SALL4: variants seen among roughly 807,000 people sequenced by gnomAD.
The protein encoded by SALL4 is sal-like protein 4.
In SALL4, 4 loss-of-function variants were observed where a neutral mutation model predicts 60.8. The ratio of observed to expected loss-of-function variants is 0.07; its 90% CI spans 0.03 to 0.15. SALL4 has a LOEUF of 0.15. Among genes scored for constraint, SALL4 ranks in the 10% least tolerant of loss-of-function variants. The pLI, the probability that SALL4 is intolerant of heterozygous loss-of-function variation, is 1.00. For missense variants in SALL4, 1,178 were observed against 1,394.7 expected, an observed-to-expected ratio of 0.84 and a Z score of 2.48; for synonymous variants, 580 against 574.9, an observed-to-expected ratio of 1.01 and a Z score of -0.13.
At chr20:51,785,893 C>T (rs2077988836) in intron 3 of SALL4, among the ~76,000 whole-genome samples, 1 of 151,948 alleles carries the variant, frequency 6.6e-6, no homozygotes, top group Non-Finnish European at 1.5e-5. Context: ...CCGCCTGCCT[C>T]GGCCTCCCAA....
chr20:51,788,769 A>G lies in SALL4; in HGVS notation c.2742+92T>C. 1 of 1,496,462 alleles carries G rather than the reference A, an allele frequency of 6.7e-7. No homozygotes were observed. The highest frequency in any genetic ancestry group is 9.2e-7 in the Non-Finnish European group (1 of 1,083,968). The allele number at this position is 1,496,462 out of a possible 1,614,324, so 92.7% of individuals were successfully genotyped here. ...CCCACCTCGGCCTCCCAAAGGAGGA[A>G]TGGAAGGATGGAAGAACTCATCACG... On this transcript the variant is annotated intron_variant, in intron 3 of 3. Coordinates refer to ENST00000217086, the MANE Select transcript of SALL4 (RefSeq NM_020436.5). The surrounding 1 kb of genome is among the most constrained non-coding windows in gnomAD (Gnocchi z 4.1).
rs370245881 is a variant in SALL4, at chr20:51,792,266, C to T, written c.217G>A (p.Val73Ile). Residue 73 changes from valine to isoleucine, a missense_variant, in exon 2 of 4, where the codon GTC becomes ATC. Physicochemically the swap from Val to Ile is conservative, Grantham distance 29 (BLOSUM62 3). This residue lies in a region of SALL4 where 108 missense variants were observed against 95.7 expected (regional missense o/e 1.13). Transcript: ENST00000217086. ...AACTCCGCACAGCATTTCTCACAGA[C>T]GTGCGTCTCCTCCCGACGAAGCCGC... ...VKRLRREETH[V>I]CEKCCAEFFS... 5.1e-5 allele frequency: 82 copies of T among 1,613,208 alleles called. No homozygotes were observed. The highest frequency in any genetic ancestry group is 8.8e-5 in the South Asian group (8 of 91,082).
At position 51,788,893 on chromosome 20, in the gene SALL4, C is replaced by T. The variant is rs1266743075; in HGVS notation, c.2710G>A (p.Gly904Arg). 2 of 1,614,190 alleles carry T rather than the reference C, an allele frequency of 1.2e-6. No individual in the cohort carries two copies. Among genetic ancestry groups the T allele is most frequent in the Non-Finnish European group, 1.7e-6 (2 of 1,180,056 alleles). ...GEKPFVCNIC[G>R]RAFTTKGNLK... ...TTGCCTTTGGTGGTAAAAGCTCGCC[C>T]ACAAATGTTGCACACAAAAGGCTTC... Residue 904 changes from glycine (G) to arginine (R), a missense_variant, in exon 3 of 4, where the codon GGG becomes AGG. Physicochemically the swap from Gly to Arg is moderately radical, Grantham distance 125 (BLOSUM62 -2). Around this residue, in one of 5 missense-constraint regions of SALL4, gnomAD observed 37 missense variants for 73.5 expected, o/e 0.50. Transcript: ENST00000217086. The surrounding 1 kb of genome is among the most constrained non-coding windows in gnomAD (Gnocchi z 4.1).
chr20:51,799,561 C>A (rs1054448754), intron 1 of SALL4, among the ~76,000 whole-genome samples: 2 of 152,220 alleles, frequency 1.3e-5, no homozygotes, highest in Non-Finnish European at 2.9e-5. Flanking sequence ...AGCTGTTTGG[C>A]AAATTGTAGC....
chr20:51,798,018 T>TC (rs2078088919), intron 1 of SALL4, among the ~76,000 whole-genome samples: 1 of 152,002 alleles, frequency 6.6e-6, no homozygotes, highest in Non-Finnish European at 1.5e-5. Flanking sequence ...TCTTCTACCC[T>TC]CCCCCAACCC....
Position 51,783,363 on chromosome 20 carries a change from A to G in SALL4, c.*902T>C, listed in dbSNP as rs2077966799. 1 of 152,126 alleles carries G rather than the reference A, an allele frequency of 6.6e-6. No individual in the cohort carries two copies. The highest frequency in any genetic ancestry group is 1.5e-5 in the Non-Finnish European group (1 of 68,026). 9.4% of individuals were successfully genotyped at this position (152,126 alleles called of 1,614,324 possible). ...TTGAGGGCCTCCTACTTAAGGTTCT[A>G]AGGTTGAAGCAGTTTTATAATTCTA... On this transcript the variant is annotated 3_prime_UTR_variant, in exon 4 of 4. Coordinates refer to ENST00000217086, the MANE Select transcript of SALL4 (RefSeq NM_020436.5).
At position 51,801,036 on chromosome 20, in the gene SALL4, G is replaced by A. The variant is rs1236236031; in HGVS notation, c.130+1243C>T. Among the ~76,000 whole-genome samples, 2 of 152,140 alleles carry A rather than the reference G, an allele frequency of 1.3e-5. No homozygotes were observed. The highest frequency in any genetic ancestry group is 2.9e-5 in the Non-Finnish European group (2 of 68,026). On this transcript the variant is annotated intron_variant, in intron 1 of 3. Transcript: ENST00000217086. This position sits in a 1 kb window ranked among gnomAD's most constrained non-coding sequence, Gnocchi z 5.2. ...TCTCTGAGAGTCCTCCGGGGTTGCC[G>A]CGCACACCCGTCTGCTGCAGGGAAA...
chr20:51,790,468 G>A lies in SALL4; in HGVS notation c.2015C>T (p.Thr672Ile). The A allele has an allele frequency of 6.2e-7, 1 of 1,614,104 alleles. No homozygotes were observed. Among genetic ancestry groups the A allele is most frequent in the Non-Finnish European group, 8.5e-7 (1 of 1,180,046 alleles). ...PCDFTGSEPM[T>I]VGENGSTGAI... Reference sequence around the variant, plus strand: ...GCCGGTGCTGCCGTTCTCACCCACGGTCATTGGCTCAGAACCCGTAAAGTC... The same window carrying A: ...GCCGGTGCTGCCGTTCTCACCCACGATCATTGGCTCAGAACCCGTAAAGTC... The change falls in exon 2 of 4, where the codon ACC (threonine) becomes ATC (isoleucine). Residue 672 changes from threonine to isoleucine, a missense_variant. Thr to Ile is a moderately conservative substitution (Grantham distance 89, BLOSUM62 -1). Coordinates refer to ENST00000217086, the MANE Select transcript of SALL4 (RefSeq NM_020436.5). This position sits in a 1 kb window ranked among gnomAD's most constrained non-coding sequence, Gnocchi z 5.5.
rs763670225 is a variant in SALL4 at position 51,786,089 on chromosome 20, G to GTTTT, written c.2743-1409_2743-1406dup. 2.0e-3 allele frequency among the ~76,000 whole-genome samples: 251 copies of GTTTT among 127,330 alleles called. 9 individuals are homozygous for GTTTT. The highest frequency in any genetic ancestry group is 2.7e-3 in the Non-Finnish European group (166 of 62,198). 83.5% of individuals were successfully genotyped at this position (127,330 alleles called of 152,430 possible). On this transcript the variant is annotated intron_variant, in intron 3 of 3. Transcript: ENST00000217086. ...TGCACACCACCATGCCCAGCTAATT[G>GTTTT]TTTTTTTTTTTTTTTGAGACAGAGT...
At chr20:51,795,625 A>T (rs920318037) in intron 1 of SALL4, among the ~76,000 whole-genome samples, 2 of 152,196 alleles carry the variant, frequency 1.3e-5, no homozygotes, top group Admixed American at 6.5e-5. Context: ...GAAACTTTTT[A>T]AAACAGTTTC....
Position 51,791,949 on chromosome 20 carries a change from G to A in SALL4, c.534C>T (p.Asn178=), listed in dbSNP as rs1395484828. 1.9e-6 allele frequency: 3 copies of A among 1,614,254 alleles called. No homozygotes were observed. The highest frequency in any genetic ancestry group is 1.7e-6 in the Non-Finnish European group (2 of 1,180,052). ...ISYLAKGKVA[N]TNVTLQALRG... The stretch of plus-strand genomic sequence containing the variant: ...GTAGTGCCTGCAAGGTCACATTAGT[G>A]TTGGCCACTTTGCCTTTGGCTAAAT... Residue 178 remains asparagine, a synonymous_variant, in exon 2 of 4, where the codon AAC becomes AAT. Transcript: ENST00000217086. The surrounding 1 kb of genome is among the most constrained non-coding windows in gnomAD (Gnocchi z 4.6).
Position 51,791,726 on chromosome 20 carries a change from C to T in SALL4, c.757G>A (p.Gly253Arg). Residue 253 changes from glycine (G) to arginine (R), a missense_variant, in exon 2 of 4, where the codon GGG (glycine) becomes AGG (arginine). Gly to Arg is a moderately radical substitution (Grantham distance 125, BLOSUM62 -2). This residue lies in a region of SALL4 where 853 missense variants were observed against 1,036.8 expected (regional missense o/e 0.82). Coordinates refer to ENST00000217086, the MANE Select transcript of SALL4 (RefSeq NM_020436.5). The surrounding 1 kb of genome is among the most constrained non-coding windows in gnomAD (Gnocchi z 4.6). ...CCCAAGGTCTTCAGAGTGTCGGCCC[C>T]TGCCCCGCTTGAGTGGAGGGCGTGG... The part of the protein sequence containing the change: ...ASHALHSSGA[G>R]ADTLKTLGSH... 1.2e-6 allele frequency: 2 copies of T among 1,614,186 alleles called. No individual in the cohort carries two copies. The highest frequency in any genetic ancestry group is 1.7e-6 in the Non-Finnish European group (2 of 1,180,048).
intron 2 of SALL4, among the ~76,000 whole-genome samples, 188 bp from the exon 3 acceptor site, chr20:51,789,329 GA>G (rs1487121259): frequency 6.6e-6 from 1 of 151,500 alleles, no homozygotes; most frequent in African/African-American, 2.4e-5. Context: ...AAATGCTTGG[GA>G]AAAGGTATCA....
rs146411998 is a variant in SALL4 at position 51,791,986 on chromosome 20, T to C, written c.497A>G (p.Gln166Arg). The C allele has an allele frequency of 3.1e-6, 5 of 1,613,954 alleles. No individual in the cohort carries two copies. The African/African-American group carries it at 4.0e-5, about 13-fold the overall frequency. Residue 166 changes from glutamine to arginine, a missense_variant, in exon 2 of 4, where the codon CAG becomes CGG. Physicochemically the swap from Gln to Arg is conservative, Grantham distance 43. This residue lies in a region of SALL4 where 853 missense variants were observed against 1,036.8 expected (regional missense o/e 0.82). Coordinates refer to ENST00000217086, the MANE Select transcript of SALL4 (RefSeq NM_020436.5). This position sits in a 1 kb window ranked among gnomAD's most constrained non-coding sequence, Gnocchi z 4.6. Reference protein sequence around the residue: ...KTETALPPTPQDISYLAKGKV... With the variant: ...KTETALPPTPRDISYLAKGKV... ...GCCTTTGGCTAAATAGCTTATGTCC[T>C]GGGGGGTGGGTGGCAGGGCTGTCTC...
intron 1 of SALL4, among the ~76,000 whole-genome samples, chr20:51,794,155 ACCT>A (rs2078066434): frequency 6.6e-6 from 1 of 152,182 alleles, no homozygotes; most frequent in African/African-American, 2.4e-5. Context: ...CACAATACTA[ACCT>A]CCTACTGCGT....
chr20:51,789,717 A>C (rs1274484049), intron 2 of SALL4, among the ~76,000 whole-genome samples: 1 of 152,204 alleles, frequency 6.6e-6, no homozygotes, highest in African/African-American at 2.4e-5. Context: ...AAAGAAAAAA[A>C]CTATAACAAA....
At chr20:51,785,443 C>A (rs2077985259) in intron 3 of SALL4, among the ~76,000 whole-genome samples, 1 of 152,194 alleles carries the variant, frequency 6.6e-6, no homozygotes, top group African/African-American at 2.4e-5. Flanking sequence ...GTAAATCAAA[C>A]CATCTTAAGT....
intron 1 of SALL4, 21 bp downstream of exon 1, chr20:51,802,258 G>T (rs1282356651): frequency 1.9e-6 from 3 of 1,575,828 alleles, no homozygotes; most frequent in Middle Eastern, 2.3e-4. Flanking sequence ...CTCCCCGGGC[G>T]GGCGCCCCAG....
In SALL4 at chr20:51,792,324, G is replaced by C; in HGVS notation, c.159C>G (p.Asp53Glu). 1.9e-6 allele frequency: 3 copies of C among 1,605,516 alleles called. No homozygotes were observed. The highest frequency in any genetic ancestry group is 2.5e-6 in the Non-Finnish European group (3 of 1,179,972). ...TGGCTTCATCCTCACTCGCCACCTC[G>C]TCATTCCCTGGGTGGTTCACTGGAG... ...LGAPVNHPGNDEVASEDEATV... is the reference protein window; with the variant it reads ...LGAPVNHPGNEEVASEDEATV... The change falls in exon 2 of 4, where the codon GAC becomes GAG. Residue 53 changes from aspartate (D) to glutamate (E), a missense_variant. Around this residue, in one of 5 missense-constraint regions of SALL4, gnomAD observed 108 missense variants for 95.7 expected, o/e 1.13. Coordinates refer to ENST00000217086, the MANE Select transcript of SALL4 (RefSeq NM_020436.5).
Sources: gnomAD v4.1 joint callset for allele counts (sites outside exome capture counted in the v4.1 genomes callset) on GRCh38, gnomAD v4.1.1 for gene constraint, gnomAD v4.1.1 regional missense constraint, Gnocchi (gnomAD v3.1) non-coding constraint, MANE v1.5 for transcripts, NCBI Gene and HGNC (gene_info 2026-07-23, HGNC 2026-07-21) for gene names.